NRXN1: variants seen among roughly 807,000 people sequenced by gnomAD.
The protein encoded by NRXN1 is neurexin 1.
Under a neutral mutation model 150.9 loss-of-function variants are expected in NRXN1, and 39 were observed. The ratio of observed to expected loss-of-function variants is 0.26; its 90% CI spans 0.20 to 0.34. The LOEUF (loss-of-function observed/expected upper bound fraction) is 0.34, where lower values mean the gene tolerates loss of function less well. Among genes scored for constraint, NRXN1 ranks in the 10% least tolerant of loss-of-function variants. NRXN1 has a pLI of 1.00. For missense variants in NRXN1, 1,815 were observed against 1,949.9 expected (o/e 0.93, Z 1.30); for synonymous variants, 924 against 757.0 (o/e 1.22, Z -3.62).
At chr2:50,921,032 T>C (rs959527463) in intron 5 of NRXN1, among the ~76,000 whole-genome samples, 5 of 151,730 alleles carry the variant, frequency 3.3e-5, no homozygotes, top group Non-Finnish European at 7.4e-5. Context: ...AGAATAAAGA[T>C]ATTCCTGCAT....
intron 5 of NRXN1, among the ~76,000 whole-genome samples, chr2:50,880,087 A>G (rs1248328728): frequency 6.6e-6 from 1 of 152,012 alleles, no homozygotes; most frequent in Non-Finnish European, 1.5e-5. Flanking sequence ...GCATTTCTGC[A>G]GTCAGATATG....
intron 12 of NRXN1, among the ~76,000 whole-genome samples, chr2:50,525,019 A>T (rs1380900002): frequency 6.6e-6 from 1 of 152,224 alleles, no homozygotes; most frequent in Admixed American, 6.5e-5. Flanking sequence ...ATGCAGAATG[A>T]GACTAATGTC....
At chr2:50,831,164 A>G (rs916940442) in intron 5 of NRXN1, among the ~76,000 whole-genome samples, 3 of 152,216 alleles carry the variant, frequency 2.0e-5, no homozygotes, top group Admixed American at 2.0e-4. Context: ...GTGTGGTCAA[A>G]TAAAGAGTAG....
chr2:50,495,201 A>T (rs1232652906), intron 15 of NRXN1, among the ~76,000 whole-genome samples: 1 of 152,158 alleles, frequency 6.6e-6, no homozygotes, highest in Non-Finnish European at 1.5e-5. Context: ...ACAAAATGTG[A>T]TTCAAATAGA....
At chr2:50,934,906 C>T (rs1007242307) in intron 2 of NRXN1, among the ~76,000 whole-genome samples, 3 of 152,112 alleles carry the variant, frequency 2.0e-5, no homozygotes, top group African/African-American at 7.2e-5. Flanking sequence ...ACAATTATTA[C>T]TCTTTTCATC....
intron 8 of NRXN1, among the ~76,000 whole-genome samples, chr2:50,587,590 CTG>C (rs1673382766): frequency 6.6e-6 from 1 of 152,128 alleles, no homozygotes. Flanking sequence ...GGTTCAAAAA[CTG>C]TATTTAATTT....
chr2:50,396,764 A>G (rs1572820235), intron 17 of NRXN1, among the ~76,000 whole-genome samples: 1 of 152,240 alleles, frequency 6.6e-6, no homozygotes, highest in African/African-American at 2.4e-5. Flanking sequence ...AGGAGTAAGC[A>G]TTCAAATTCA....
chr2:50,971,953 T>C (rs545200128), intron 2 of NRXN1, among the ~76,000 whole-genome samples: 2 of 152,264 alleles, frequency 1.3e-5, no homozygotes, highest in African/African-American at 4.8e-5. Context: ...CATTTTATTT[T>C]CCCAAAGAGA....
chr2:50,155,805 T>C (rs766281789), intron 18 of NRXN1, among the ~76,000 whole-genome samples: 2 of 151,478 alleles, frequency 1.3e-5, no homozygotes, highest in Non-Finnish European at 3.0e-5. Context: ...ATGCAACTAA[T>C]AAAAATGATG....
At chr2:50,067,331 G>C (rs1695520305) in intron 19 of NRXN1, among the ~76,000 whole-genome samples, 1 of 152,136 alleles carries the variant, frequency 6.6e-6, no homozygotes, top group African/African-American at 2.4e-5. Flanking sequence ...GTTCCCACTA[G>C]CTACTTACAT....
intron 17 of NRXN1, among the ~76,000 whole-genome samples, chr2:50,373,069 T>A (rs924117851): frequency 2.0e-5 from 3 of 151,980 alleles, no homozygotes; most frequent in Non-Finnish European, 4.4e-5. Context: ...ATTAACCAAT[T>A]TTCTGCAAAT....
intron 17 of NRXN1, among the ~76,000 whole-genome samples, chr2:50,253,035 A>T (rs2067312310): frequency 6.6e-6 from 1 of 152,136 alleles, no homozygotes; most frequent in African/African-American, 2.4e-5. Context: ...GATTCTTCCT[A>T]TCCATGAGCA....
chr2:50,620,998 C>T (rs779966014), intron 7 of NRXN1: 6 of 461,688 alleles, frequency 1.3e-5, no homozygotes, highest in East Asian at 3.4e-5. Context: ...GAAACGTTAA[C>T]GATGCCCCTA....
intron 5 of NRXN1, among the ~76,000 whole-genome samples, chr2:50,678,239 T>G (rs949483888): frequency 2.0e-5 from 3 of 152,170 alleles, no homozygotes; most frequent in Non-Finnish European, 4.4e-5. Context: ...CAACACATTA[T>G]GATCAAGCAT....
chr2:50,928,253 T>A (rs1280210796), intron 2 of NRXN1, among the ~76,000 whole-genome samples: 1 of 151,904 alleles, frequency 6.6e-6, no homozygotes, highest in Non-Finnish European at 1.5e-5. Flanking sequence ...ATGGGTGATA[T>A]ATTAACCACT....
intron 18 of NRXN1, among the ~76,000 whole-genome samples, chr2:50,166,944 G>C (rs1313908818): frequency 6.6e-6 from 1 of 152,160 alleles, no homozygotes; most frequent in Non-Finnish European, 1.5e-5. Context: ...TAGTCAAGTA[G>C]GATGGAGGCT....
intron 17 of NRXN1, among the ~76,000 whole-genome samples, chr2:50,282,963 A>T (rs1434684427): frequency 6.6e-6 from 1 of 152,172 alleles, no homozygotes; most frequent in Admixed American, 6.5e-5. Context: ...TTTACCATGG[A>T]TACTTGCTTA....
chr2:50,052,087 T>C (rs927022848), intron 21 of NRXN1, among the ~76,000 whole-genome samples: 1 of 152,116 alleles, frequency 6.6e-6, no homozygotes, highest in African/African-American at 2.4e-5. Flanking sequence ...GTCAATTTTC[T>C]TCATTTTCTG....
At chr2:50,254,482 CT>C (rs1330255614) in intron 17 of NRXN1, among the ~76,000 whole-genome samples, 4 of 151,124 alleles carry the variant, frequency 2.6e-5, no homozygotes, top group African/African-American at 9.8e-5. Context: ...GCTCTTGGTT[CT>C]TTAGTTCTTC....
Sources: gnomAD v4.1 joint callset for allele counts (sites outside exome capture counted in the v4.1 genomes callset) on GRCh38, gnomAD v4.1.1 for gene constraint, MANE v1.5 for transcripts, NCBI Gene and HGNC (gene_info 2026-07-23, HGNC 2026-07-21) for gene names.